MYH14: variants seen among roughly 807,000 people sequenced by gnomAD.
MYH14 encodes the protein myosin-14.
Under a neutral mutation model 255.5 loss-of-function variants are expected in MYH14, and 123 were observed. The ratio of observed to expected loss-of-function variants is 0.48; its 90% CI spans 0.42 to 0.56. The LOEUF (loss-of-function observed/expected upper bound fraction) is 0.56, where lower values mean the gene tolerates loss of function less well. MYH14 is among the 20% of genes least tolerant of loss of function. The pLI, the probability that MYH14 is intolerant of heterozygous loss-of-function variation, is 0.00. For synonymous variants in MYH14, 1,095 were observed against 1,161.2 expected (o/e 0.94, Z 1.16); for missense variants, 2,423 against 2,802.3 (o/e 0.86, Z 3.06).
At chr19:50,229,050 C>T (rs369890860) in intron 8 of MYH14, among the ~76,000 whole-genome samples, 4 of 152,176 alleles carry the variant, frequency 2.6e-5, no homozygotes, top group East Asian at 3.9e-4. Flanking sequence ...TGCAACCCTG[C>T]GAGGTGGCTG....
At chr19:50,233,964 T>G (rs2033538224) in intron 10 of MYH14, among the ~76,000 whole-genome samples, 1 of 151,916 alleles carries the variant, frequency 6.6e-6, no homozygotes, top group East Asian at 1.9e-4. Flanking sequence ...CACAGGCGTG[T>G]GTGCCACCAC....
In MYH14 at chr19:50,268,269, G is replaced by T; in HGVS notation, c.2935G>T (p.Glu979Ter). 1 of 1,579,724 alleles carries T rather than the reference G, an allele frequency of 6.3e-7. No homozygotes were observed. The highest frequency in any genetic ancestry group is 1.8e-5 in the Admixed American group (1 of 55,012). Residue 979 changes from glutamate (E) to a stop codon, truncating the protein, a stop_gained, in exon 24 of 43, where the codon GAG becomes TAG. Coordinates refer to ENST00000642316, the MANE Select transcript of MYH14 (RefSeq NM_001145809.2). LOFTEE classifies it high-confidence loss of function. ...GRLAARKQEL[E>*]LVVSELEARV... ...GCTGGCAGCCCGCAAGCAGGAGCTGGAGCTGGTGGTGTCAGAGCTGGAGGC... is the reference window on the plus strand; with the variant it reads ...GCTGGCAGCCCGCAAGCAGGAGCTGTAGCTGGTGGTGTCAGAGCTGGAGGC...
chr19:50,214,326 G>A (rs1318446092), intron 2 of MYH14, among the ~76,000 whole-genome samples: 2 of 152,186 alleles, frequency 1.3e-5, no homozygotes, highest in Admixed American at 6.5e-5. Context: ...CTTAATACAT[G>A]TTTGTTGACT....
At chr19:50,231,818 A>G in intron 9 of MYH14, 112 bp from the exon 10 acceptor site, 1 of 1,446,586 alleles carries the variant, frequency 6.9e-7, no homozygotes, top group Non-Finnish European at 9.5e-7. Context: ...AAAGGCCCCC[A>G]CCCACTTGAC....
At chr19:50,272,853 A>T in intron 27 of MYH14, 122 bp downstream of exon 27, 1 of 960,056 alleles carries the variant, frequency 1.0e-6, no homozygotes, top group Non-Finnish European at 1.6e-6. Context: ...AGCCACAGAC[A>T]GGCCACATCC....
chr19:50,286,742 C>T (rs761498212), intron 34 of MYH14, 48 bp downstream of exon 34: 95 of 1,476,834 alleles, frequency 6.4e-5, no homozygotes, highest in East Asian at 9.8e-5. Flanking sequence ...AGGGGAGACA[C>T]GTACATGCAT....
In MYH14 at chr19:50,231,999, A is replaced by G. The variant is rs573739001; in HGVS notation, c.1043A>G (p.Gln348Arg). 10 of 1,613,908 alleles carry G rather than the reference A, an allele frequency of 6.2e-6. No individual in the cohort carries two copies. The East Asian group carries it at 2.0e-4, about 32-fold the overall frequency. ...AACGGGCCGTCATCCTCTCCCGGCCAGGAGCGGGAACTCTTCCAGGAGACG... is the reference window on the plus strand; with the variant it reads ...AACGGGCCGTCATCCTCTCCCGGCCGGGAGCGGGAACTCTTCCAGGAGACG... ...LTNGPSSSPG[Q>R]ERELFQETLE... Residue 348 changes from glutamine (Q) to arginine (R), a missense_variant, in exon 10 of 43, where the codon CAG (glutamine) becomes CGG (arginine). This residue lies in a region of MYH14 where 672 missense variants were observed against 881.8 expected (regional missense o/e 0.76). Transcript: ENST00000642316.
rs766316068 is a variant in MYH14, at chr19:50,249,724, C to T, written c.1557C>T (p.Phe519=). Residue 519 remains phenylalanine, a synonymous_variant, in exon 14 of 43, where the codon TTC becomes TTT. Transcript: ENST00000642316. ...AGCAGCTCTTCAACCACACCATGTTCGTGCTGGAGCAGGAGGAGTACCAGC... is the reference window on the plus strand; with the variant it reads ...AGCAGCTCTTCAACCACACCATGTTTGTGCTGGAGCAGGAGGAGTACCAGC... ...KLQQLFNHTM[F]VLEQEEYQRE... is the part of the protein sequence containing the mutation. The T allele has an allele frequency of 1.3e-5, 21 of 1,614,122 alleles. No individual in the cohort carries two copies. Among genetic ancestry groups the T allele is most frequent in the Middle Eastern group, 3.3e-4 (2 of 6,084 alleles).
intron 18 of MYH14, chr19:50,258,736 A>AC (rs59300274): frequency 0.22 from 32,245 of 145,164 alleles, 4,283 homozygotes; most frequent in African/African-American, 0.26. Context: ...AAAAAAAAAA[A>AC]AAAAAAAACG....
intron 9 of MYH14, among the ~76,000 whole-genome samples, chr19:50,231,222 G>A (rs759880200): frequency 1.3e-5 from 2 of 152,218 alleles, no homozygotes; most frequent in Non-Finnish European, 2.9e-5. Context: ...TGGCTCCTGC[G>A]GCCACATAGC....
chr19:50,292,200 G>A (rs2036099127), intron 36 of MYH14, 61 bp from the exon 37 acceptor site: 2 of 1,494,184 alleles, frequency 1.3e-6, no homozygotes, highest in Admixed American at 2.3e-5. Flanking sequence ...GCAAGGGGGT[G>A]GAGGAGTTCC....
intron 40 of MYH14, among the ~76,000 whole-genome samples, chr19:50,302,408 C>A (rs2036520313): frequency 6.7e-6 from 1 of 148,220 alleles, no homozygotes; most frequent in African/African-American, 2.5e-5. Flanking sequence ...ATGGTGAAAC[C>A]CCATCTCTAC....
chr19:50,204,952 G>T (rs1181698680), intron 1 of MYH14, among the ~76,000 whole-genome samples: 2 of 151,472 alleles, frequency 1.3e-5, no homozygotes, highest in Admixed American at 1.3e-4. Context: ...TCTAAGAGGA[G>T]AAAATACCCG....
intron 2 of MYH14, among the ~76,000 whole-genome samples, chr19:50,211,909 G>A (rs1413476835): frequency 6.6e-6 from 1 of 152,040 alleles, no homozygotes; most frequent in Non-Finnish European, 1.5e-5. Context: ...AATCACCTGA[G>A]CCCTGAAGGT....
At position 50,266,248 on chromosome 19, in the gene MYH14, T is replaced by C. The variant is rs2035076099; in HGVS notation, c.2695-629T>C. ...AAAGCTCATCTCTCACTAAGGACCT[T>C]GGACTAACAGGCTTAAGAAACACTG... On this transcript the variant is annotated intron_variant, in intron 22 of 42. Transcript: ENST00000642316. The surrounding 1 kb of genome is among the most constrained non-coding windows in gnomAD (Gnocchi z 4.1). Among the ~76,000 whole-genome samples, 1 of 152,208 alleles carries C rather than the reference T, an allele frequency of 6.6e-6. No homozygotes were observed.
chr19:50,208,218 C>G (rs939900187), intron 1 of MYH14, among the ~76,000 whole-genome samples: 8 of 152,152 alleles, frequency 5.3e-5, no homozygotes, highest in African/African-American at 1.9e-4. Flanking sequence ...AGTTTGAGAC[C>G]AGCCTGGCCA....
At chr19:50,306,299 CT>C (rs1013286877) in intron 40 of MYH14, among the ~76,000 whole-genome samples, 3 of 152,156 alleles carry the variant, frequency 2.0e-5, no homozygotes, top group African/African-American at 7.2e-5. Flanking sequence ...AGAAGTCTCT[CT>C]CCTTCATCCT....
chr19:50,278,294 GT>G lies in MYH14; in HGVS notation c.4032+6del. On this transcript the variant is annotated splice_donor_region_variant and intron_variant, in intron 30 of 42. Transcript: ENST00000642316. ...GAGAAGCTGCAGCGAGCCCAGGTAAGTGGGGTGGGCAGGGCAGAGGTTTCTG... is the reference window on the plus strand; with the variant it reads ...GAGAAGCTGCAGCGAGCCCAGGTAAGGGGGTGGGCAGGGCAGAGGTTTCTG... 1 of 1,537,500 alleles carries G rather than the reference GT, an allele frequency of 6.5e-7. No individual in the cohort carries two copies. Among genetic ancestry groups the G allele is most frequent in the Non-Finnish European group, 8.8e-7 (1 of 1,138,516 alleles).
chr19:50,209,678 G>A (rs942740110), intron 1 of MYH14, among the ~76,000 whole-genome samples: 7 of 151,836 alleles, frequency 4.6e-5, no homozygotes, highest in Non-Finnish European at 1.0e-4. Flanking sequence ...CAGCTACTCA[G>A]GAGGCTGAGG....
Sources: gnomAD v4.1 joint callset for allele counts (sites outside exome capture counted in the v4.1 genomes callset) on GRCh38, gnomAD v4.1.1 for gene constraint, gnomAD v4.1.1 regional missense constraint, Gnocchi (gnomAD v3.1) non-coding constraint, MANE v1.5 for transcripts, NCBI Gene and HGNC (gene_info 2026-07-23, HGNC 2026-07-21) for gene names.